SFMBT1: variants seen among roughly 807,000 people sequenced by gnomAD.
SFMBT1 encodes the protein Scm like with four mbt domains 1, also known as scm-like with four MBT domains protein 1.
In SFMBT1, 32 loss-of-function variants were observed where a neutral mutation model predicts 108.7. The observed-to-expected ratio is 0.29, with a 90% CI of 0.22 to 0.40. The LOEUF (loss-of-function observed/expected upper bound fraction) is 0.40. Ranked by LOEUF, SFMBT1 falls within the 10% of genes least tolerant of loss-of-function variation. The pLI is 1.00. For synonymous variants in SFMBT1, 348 were observed against 369.5 expected, an observed-to-expected ratio of 0.94 and a Z score of 0.67; for missense variants, 816 against 1,059.6, an observed-to-expected ratio of 0.77 and a Z score of 3.19.
intron 1 of SFMBT1, among the ~76,000 whole-genome samples, chr3:52,997,766 T>G (rs145254428): frequency 3.3e-5 from 5 of 150,378 alleles, no homozygotes; most frequent in African/African-American, 1.2e-4. Context: ...GACCACATTT[T>G]GGGGGTAATA....
At chr3:52,908,286 A>C (rs746035557) in intron 17 of SFMBT1, among the ~76,000 whole-genome samples, 5 of 151,318 alleles carry the variant, frequency 3.3e-5, no homozygotes, top group Non-Finnish European at 5.9e-5. Flanking sequence ...GTTGGCCAGG[A>C]TGGTTTCAAT....
chr3:52,940,456 G>A (rs1241699513), intron 4 of SFMBT1, among the ~76,000 whole-genome samples: 1 of 152,194 alleles, frequency 6.6e-6, no homozygotes, highest in Non-Finnish European at 1.5e-5. Context: ...GACAGTTTCA[G>A]GATCAAAAGA....
intron 1 of SFMBT1, among the ~76,000 whole-genome samples, chr3:53,026,477 G>C (rs1308821850): frequency 6.6e-6 from 1 of 152,168 alleles, no homozygotes; most frequent in Non-Finnish European, 1.5e-5. Flanking sequence ...AGCAATTAAA[G>C]AGCAAATAGA....
chr3:52,998,197 C>T (rs1258047828), intron 1 of SFMBT1, among the ~76,000 whole-genome samples: 2 of 150,014 alleles, frequency 1.3e-5, no homozygotes, highest in Admixed American at 6.7e-5. Flanking sequence ...GGGCAGATCA[C>T]GAGGCCAACA....
intron 1 of SFMBT1, chr3:53,018,224 T>A (rs1007560596): frequency 6.6e-6 from 1 of 151,538 alleles, no homozygotes; most frequent in Non-Finnish European, 1.5e-5. Context: ...AGAGCAAGAC[T>A]CCATCTCGAA....
chr3:52,961,329 T>C (rs755195093), intron 2 of SFMBT1, among the ~76,000 whole-genome samples: 22 of 152,148 alleles, frequency 1.4e-4, no homozygotes, highest in Admixed American at 6.5e-4. Flanking sequence ...TACCTTTCCA[T>C]TTGGAAAGAT....
At position 52,935,072 on chromosome 3, in the gene SFMBT1, T is replaced by C. The variant is rs187920839; in HGVS notation, c.365-171A>G. Among the ~76,000 whole-genome samples, 149 of 152,306 alleles carry C rather than the reference T, an allele frequency of 9.8e-4. 1 individual carries two copies. The highest frequency in any genetic ancestry group is 3.5e-3 in the African/African-American group (145 of 41,566). Reference sequence around the variant, plus strand: ...CAAAATAAAACCAAAAATGCTTCTCTAGATGGAGCTACTTTCTGGTTAGTT... The same window carrying C: ...CAAAATAAAACCAAAAATGCTTCTCCAGATGGAGCTACTTTCTGGTTAGTT... On this transcript the variant is annotated intron_variant, in intron 4 of 20. Coordinates refer to ENST00000394752, the MANE Select transcript of SFMBT1 (RefSeq NM_016329.4).
chr3:53,037,431 G>C (rs1699902265), intron 1 of SFMBT1, among the ~76,000 whole-genome samples: 1 of 152,142 alleles, frequency 6.6e-6, no homozygotes, highest in Admixed American at 6.5e-5. Context: ...ATTTGCATAT[G>C]GTGTTATTCA....
At chr3:52,934,749 T>C in intron 5 of SFMBT1, 64 bp downstream of exon 5, 1 of 1,381,802 alleles carries the variant, frequency 7.2e-7, no homozygotes, top group East Asian at 2.3e-5. Context: ...AAGCAACCGA[T>C]TTTAAGATTC....
intron 10 of SFMBT1, among the ~76,000 whole-genome samples, chr3:52,923,258 T>C (rs1180067785): frequency 1.3e-5 from 2 of 152,094 alleles, no homozygotes; most frequent in Non-Finnish European, 1.5e-5. Flanking sequence ...AGAAAAACTA[T>C]TGCATCCTTA....
intron 1 of SFMBT1, among the ~76,000 whole-genome samples, chr3:53,044,419 G>C (rs1700147263): frequency 6.6e-6 from 1 of 152,024 alleles, no homozygotes; most frequent in Admixed American, 6.6e-5. Flanking sequence ...ACTGTTTCCT[G>C]ATCTCTGGCC....
intron 1 of SFMBT1, among the ~76,000 whole-genome samples, chr3:52,996,532 C>T (rs1698337960): frequency 6.7e-6 from 1 of 149,928 alleles, no homozygotes; most frequent in African/African-American, 2.4e-5. Flanking sequence ...ATTTTTCAAT[C>T]AAAAGATTTG....
intron 3 of SFMBT1, 67 bp downstream of exon 3, chr3:52,954,250 A>C (rs1220636209): frequency 1.7e-6 from 2 of 1,188,672 alleles, no homozygotes; most frequent in African/African-American, 3.1e-5. Context: ...TAAATTCTCT[A>C]ATGATAATAC....
At chr3:53,020,145 T>C (rs1419699705) in intron 1 of SFMBT1, among the ~76,000 whole-genome samples, 1 of 151,972 alleles carries the variant, frequency 6.6e-6, no homozygotes, top group East Asian at 1.9e-4. Flanking sequence ...TCCCAGCACT[T>C]TGGGAGGCCG....
chr3:52,922,992 CCAAT>C (rs1217613904), intron 10 of SFMBT1, among the ~76,000 whole-genome samples: 10 of 152,166 alleles, frequency 6.6e-5, no homozygotes, highest in Non-Finnish European at 1.2e-4. Flanking sequence ...CAACAAATGG[CCAAT>C]CAGATTCCAC....
At chr3:52,905,988 T>G (rs1446197868) in intron 20 of SFMBT1, 125 bp downstream of exon 20, 2 of 1,105,822 alleles carry the variant, frequency 1.8e-6, no homozygotes, top group East Asian at 5.1e-5. Context: ...AAAATGGAAT[T>G]AAGACAATTC....
intron 1 of SFMBT1, among the ~76,000 whole-genome samples, chr3:53,030,181 CTA>C (rs1476119355): frequency 6.6e-6 from 1 of 152,034 alleles, no homozygotes; most frequent in Admixed American, 6.6e-5. Flanking sequence ...TGCAGCAGAT[CTA>C]TGTGTACTTG....
intron 1 of SFMBT1, among the ~76,000 whole-genome samples, chr3:52,996,056 G>A (rs555062015): frequency 7.2e-6 from 1 of 139,806 alleles, no homozygotes; most frequent in Admixed American, 7.4e-5. Context: ...GGGCAACAGG[G>A]TGAGACTCCA....
chr3:53,010,855 T>C (rs962275579), intron 1 of SFMBT1, among the ~76,000 whole-genome samples: 5 of 152,190 alleles, frequency 3.3e-5, no homozygotes, highest in African/African-American at 9.7e-5. Context: ...ACCACTAAGC[T>C]CAGAAACATC....
Sources: allele counts gnomAD v4.1 joint callset (sites outside exome capture counted in the v4.1 genomes callset), GRCh38; gene constraint gnomAD v4.1.1; transcripts MANE v1.5; gene names NCBI Gene and HGNC (gene_info 2026-07-23, HGNC 2026-07-21).